Variants in TULP4 observed in about 807,000 individuals in gnomAD.
The protein encoded by TULP4 is TUB like protein 4.
In TULP4, 16 loss-of-function variants were observed where a neutral mutation model predicts 129.0. That is an observed-to-expected ratio of 0.12 (90% CI 0.08 to 0.19). The LOEUF (loss-of-function observed/expected upper bound fraction) is 0.19. Among genes scored for constraint, TULP4 ranks in the 10% least tolerant of loss-of-function variants. The probability of loss-of-function intolerance (pLI) is 1.00; values close to 1 mark genes in which losing one functional copy is unlikely to be tolerated. For synonymous variants in TULP4, 998 were observed against 854.0 expected (o/e 1.17, Z -2.94); for missense variants, 1,842 against 2,059.1 (o/e 0.89, Z 2.04).
At chr6:158,395,596 A>AAG (rs1255069892) in intron 1 of TULP4, among the ~76,000 whole-genome samples, 2 of 138,022 alleles carry the variant, frequency 1.4e-5, no homozygotes, top group African/African-American at 2.7e-5. Flanking sequence ...AAAAAAAAAA[A>AAG]GGAAGACCTG....
chr6:158,337,803 T>TA (rs57861013), intron 1 of TULP4, among the ~76,000 whole-genome samples: 316 of 151,560 alleles, frequency 2.1e-3, no homozygotes, highest in Non-Finnish European at 3.4e-3. Context: ...TTTTTTTTTT[T>TA]AAAGCAGTTA....
At chr6:158,383,417 GCA>G (rs1238987629) in intron 1 of TULP4, among the ~76,000 whole-genome samples, 4 of 152,004 alleles carry the variant, frequency 2.6e-5, no homozygotes, top group Non-Finnish European at 4.4e-5. Context: ...AGTAAAAGTG[GCA>G]CACACAACAA....
intron 6 of TULP4, among the ~76,000 whole-genome samples, chr6:158,471,064 T>G (rs541286725): frequency 1.3e-5 from 2 of 151,908 alleles, no homozygotes; most frequent in East Asian, 1.9e-4. Flanking sequence ...CCAGTGCAAG[T>G]TGGAAGATGT....
chr6:158,339,535 G>A (rs1227585359), intron 1 of TULP4, among the ~76,000 whole-genome samples: 1 of 152,064 alleles, frequency 6.6e-6, no homozygotes, highest in East Asian at 1.9e-4. Context: ...TCTGCATAAG[G>A]CAGACACTCC....
chr6:158,329,374 A>G (rs1025036475), intron 1 of TULP4, among the ~76,000 whole-genome samples: 1 of 151,936 alleles, frequency 6.6e-6, no homozygotes, highest in Admixed American at 6.6e-5. Context: ...TTTAAGGCAA[A>G]ACCGAGATTT....
intron 1 of TULP4, among the ~76,000 whole-genome samples, chr6:158,412,016 A>T (rs1778110624): frequency 6.6e-6 from 1 of 152,228 alleles, no homozygotes; most frequent in African/African-American, 2.4e-5. Flanking sequence ...TCTTTTATTC[A>T]TAGCAAGAGT....
At chr6:158,444,207 A>G (rs537567777) in intron 3 of TULP4, among the ~76,000 whole-genome samples, 21 of 125,030 alleles carry the variant, frequency 1.7e-4, no homozygotes, top group Middle Eastern at 4.4e-3. Flanking sequence ...GCGACAGAGC[A>G]AGACTCTGTC....
chr6:158,335,877 T>C (rs1225261674), intron 1 of TULP4, among the ~76,000 whole-genome samples: 2 of 152,250 alleles, frequency 1.3e-5, no homozygotes, highest in Non-Finnish European at 2.9e-5. Context: ...AGGGAGTTCC[T>C]GTATTTTGCA....
rs1562597425 is a variant in TULP4 at position 158,506,566 on chromosome 6, G to T, written c.4516-12G>T. On this transcript the variant is annotated splice_polypyrimidine_tract_variant and intron_variant, in intron 13 of 13. Coordinates refer to ENST00000367097, the MANE Select transcript of TULP4 (RefSeq NM_020245.5). ...ATTCTTTAATGTCTTTGCTTCCCCT[G>T]CCCTCCTCCAGGTGATGCAGTTTGG... 1.9e-6 allele frequency: 3 copies of T among 1,559,594 alleles called. No individual in the cohort carries two copies. In the African/African-American group the frequency reaches 4.1e-5, roughly 21 times the overall value.
intron 1 of TULP4, among the ~76,000 whole-genome samples, chr6:158,275,047 G>C (rs1190824232): frequency 6.6e-6 from 1 of 152,162 alleles, no homozygotes; most frequent in Non-Finnish European, 1.5e-5. Flanking sequence ...AATAAGAACA[G>C]GTTTAATTTT....
chr6:158,400,943 C>G (rs1277190954), intron 1 of TULP4, among the ~76,000 whole-genome samples: 6 of 152,090 alleles, frequency 3.9e-5, no homozygotes, highest in African/African-American at 1.2e-4. Flanking sequence ...TACAGGTGTT[C>G]TAGGCTATGT....
chr6:158,347,714 C>G (rs544079112), intron 1 of TULP4, among the ~76,000 whole-genome samples: 1 of 152,352 alleles, frequency 6.6e-6, no homozygotes, highest in East Asian at 1.9e-4. Flanking sequence ...GCTGTCTCCC[C>G]TGCCTGGGTG....
chr6:158,476,577 G>A (rs1163123511), intron 6 of TULP4, among the ~76,000 whole-genome samples: 2 of 152,142 alleles, frequency 1.3e-5, no homozygotes, highest in Non-Finnish European at 1.5e-5. Flanking sequence ...ACTGTGTTCC[G>A]TGTTCATCCA....
chr6:158,381,260 T>C (rs1777318824), intron 1 of TULP4, among the ~76,000 whole-genome samples: 1 of 151,964 alleles, frequency 6.6e-6, no homozygotes, highest in South Asian at 2.1e-4. Context: ...AGCACCATAA[T>C]ATCATCTGAG....
intron 3 of TULP4, among the ~76,000 whole-genome samples, chr6:158,440,844 C>G: frequency 6.6e-6 from 1 of 152,172 alleles, no homozygotes; most frequent in East Asian, 1.9e-4. Flanking sequence ...GAAACAGGTG[C>G]AGCTACTATG....
chr6:158,444,085 T>C (rs1213910303), intron 3 of TULP4, among the ~76,000 whole-genome samples: 2 of 151,704 alleles, frequency 1.3e-5, no homozygotes, highest in East Asian at 1.9e-4. Context: ...CCTGGCGTGG[T>C]GGCGCAAGCC....
chr6:158,430,188 T>G (rs979858886), intron 3 of TULP4, among the ~76,000 whole-genome samples: 1 of 152,186 alleles, frequency 6.6e-6, no homozygotes, highest in Admixed American at 6.5e-5. Context: ...ATATTAGATA[T>G]CAAGTAAGTT....
intron 1 of TULP4, among the ~76,000 whole-genome samples, chr6:158,246,485 C>T (rs1057297036): frequency 7.2e-6 from 1 of 138,238 alleles, no homozygotes; most frequent in Non-Finnish European, 1.6e-5. Flanking sequence ...AAGTGAGACT[C>T]CATCTCAAAA....
At chr6:158,424,166 CT>C (rs1210639450) in intron 2 of TULP4, among the ~76,000 whole-genome samples, 1 of 152,150 alleles carries the variant, frequency 6.6e-6, no homozygotes, top group Non-Finnish European at 1.5e-5. Flanking sequence ...GGTTCCAGGA[CT>C]TTCCACAGAT....
Sources: allele counts gnomAD v4.1 joint callset (sites outside exome capture counted in the v4.1 genomes callset), GRCh38; gene constraint gnomAD v4.1.1; transcripts MANE v1.5; gene names NCBI Gene and HGNC (gene_info 2026-07-23, HGNC 2026-07-21).